The following PHF20L1 variants were observed in gnomAD, a reference collection of about 807,000 sequenced individuals.
PHF20L1 encodes PHD finger protein 20-like protein 1.
In PHF20L1, 44 loss-of-function variants were observed where a neutral mutation model predicts 125.5. The observed-to-expected ratio is 0.35, with a 90% CI of 0.28 to 0.45. The LOEUF is 0.45. Ranked by LOEUF, PHF20L1 falls within the 20% of genes least tolerant of loss-of-function variation. PHF20L1 has a pLI of 1.00. For missense variants in PHF20L1, 1,012 were observed against 1,217.2 expected, an observed-to-expected ratio of 0.83 and a Z score of 2.51; for synonymous variants, 380 against 403.1, an observed-to-expected ratio of 0.94 and a Z score of 0.69.
intron 13 of PHF20L1, chr8:132,825,051 T>G (rs768214322): frequency 6.8e-7 from 1 of 1,469,174 alleles, no homozygotes; most frequent in South Asian, 1.1e-5. Flanking sequence ...GGAGTTGGGA[T>G]TTCTCAGCAC....
chr8:132,828,259 T>G (rs1421674422), intron 14 of PHF20L1, among the ~76,000 whole-genome samples: 1 of 152,044 alleles, frequency 6.6e-6, no homozygotes, highest in Non-Finnish European at 1.5e-5. Flanking sequence ...ATAAATATTA[T>G]TACTTCATTT....
chr8:132,780,074 T>C (rs1162393750), intron 2 of PHF20L1, among the ~76,000 whole-genome samples: 1 of 152,190 alleles, frequency 6.6e-6, no homozygotes, highest in Non-Finnish European at 1.5e-5. Context: ...CTGTTTCAGG[T>C]GGCTCCTTAT....
intron 13 of PHF20L1, chr8:132,825,031 T>C: frequency 6.9e-7 from 1 of 1,440,008 alleles, no homozygotes; most frequent in Non-Finnish European, 9.4e-7. Context: ...GTGTTAACTT[T>C]AAGGTATCAG....
At position 132,831,379 on chromosome 8, in the gene PHF20L1, C is replaced by T. The variant is rs1057440681; in HGVS notation, c.1745-856C>T. 4.6e-5 allele frequency among the ~76,000 whole-genome samples: 7 copies of T among 152,076 alleles called. No homozygotes were observed. In the South Asian group the frequency reaches 6.2e-4, roughly 14 times the overall value. ...CACACCCCCACCTCCTTTTTTCCTT[C>T]CCTTACTATACCCTCAACTCTCCAG... On this transcript the variant is annotated intron_variant, in intron 14 of 20. Coordinates refer to ENST00000395386, the MANE Select transcript of PHF20L1 (RefSeq NM_016018.5).
intron 14 of PHF20L1, among the ~76,000 whole-genome samples, chr8:132,827,649 G>A (rs1241427620): frequency 2.6e-5 from 4 of 151,922 alleles, no homozygotes; most frequent in Non-Finnish European, 1.5e-5. Flanking sequence ...CTTGAGAGAA[G>A]GAGGAGCAAT....
chr8:132,814,972 A>G, intron 10 of PHF20L1, 83 bp downstream of exon 10: 1 of 1,136,306 alleles, frequency 8.8e-7, no homozygotes, highest in Non-Finnish European at 1.2e-6. Flanking sequence ...TTGTATTTTT[A>G]TGAAGTTGCT....
At chr8:132,804,773 GA>G in intron 8 of PHF20L1, 33 bp downstream of exon 8, 3 of 1,548,520 alleles carry the variant, frequency 1.9e-6, no homozygotes, top group East Asian at 2.3e-5. Flanking sequence ...TTGAGGGGGG[GA>G]AATGGAAGGT....
At chr8:132,824,106 CAG>C in intron 13 of PHF20L1, 46 bp downstream of exon 13, 1 of 1,206,198 alleles carries the variant, frequency 8.3e-7, no homozygotes, top group East Asian at 2.4e-5. Context: ...TAAAGCTTGA[CAG>C]AGAGGGAGGA....
chr8:132,799,399 C>T (rs1034047841), intron 6 of PHF20L1: 1 of 338,520 alleles, frequency 3.0e-6, no homozygotes, highest in African/African-American at 2.1e-5. Context: ...GTATTGTATG[C>T]TTTGTCACTG....
intron 8 of PHF20L1, chr8:132,809,540 C>G (rs1012263710): frequency 2.0e-5 from 3 of 152,100 alleles, no homozygotes; most frequent in Non-Finnish European, 4.4e-5. Flanking sequence ...CTGATAAAGT[C>G]AAGACATGTT....
chr8:132,837,676 G>A, intron 16 of PHF20L1, 36 bp from the exon 17 acceptor site: 1 of 1,508,520 alleles, frequency 6.6e-7, no homozygotes, highest in East Asian at 2.3e-5. Context: ...TCCTAGTGAG[G>A]ATCGGGTGAC....
chr8:132,829,977 C>T (rs1836585912), intron 14 of PHF20L1, among the ~76,000 whole-genome samples: 1 of 151,944 alleles, frequency 6.6e-6, no homozygotes, highest in Non-Finnish European at 1.5e-5. Context: ...GTAAGTTTCC[C>T]ATTGCTGCTG....
Position 132,803,918 on chromosome 8 carries a change from A to G in PHF20L1, c.607A>G (p.Lys203Glu), listed in dbSNP as rs1169253144. ...CGCTAACAGCAATAAAGATAAGGAT[A>G]AAGATGAGAGAAAGTGGTTTAAAGT... Reference protein sequence around the residue: ...TSANSNKDKDKDERKWFKVPS... With the variant: ...TSANSNKDKDEDERKWFKVPS... The change falls in exon 7 of 21, where the codon AAA becomes GAA. Residue 203 changes from lysine (K) to glutamate (E), a missense_variant. By Grantham distance (56) the Lys-to-Glu change is moderately conservative (BLOSUM62 1). This residue lies in a region of PHF20L1 where 134 missense variants were observed against 145.9 expected (regional missense o/e 0.92). Coordinates refer to ENST00000395386, the MANE Select transcript of PHF20L1 (RefSeq NM_016018.5). 1.9e-6 allele frequency: 3 copies of G among 1,611,366 alleles called. No homozygotes were observed. Among genetic ancestry groups the G allele is most frequent in the Non-Finnish European group, 2.5e-6 (3 of 1,177,990 alleles).
In PHF20L1 at chr8:132,848,561, T is replaced by C. The variant is rs931097860; in HGVS notation, c.*2638T>C. 5 of 152,588 alleles carry C rather than the reference T, an allele frequency of 3.3e-5. No homozygotes were observed. Among genetic ancestry groups the C allele is most frequent in the African/African-American group, 1.2e-4 (5 of 41,464 alleles). 9.5% of individuals were successfully genotyped at this position (152,588 alleles called of 1,614,324 possible). On this transcript the variant is annotated 3_prime_UTR_variant, in exon 21 of 21. Transcript: ENST00000395386. ...CAGAATGAGCATTGGTAGAGAAGGC[T>C]CCCTCTTGGTATGTTACTGATAAAC... is the stretch of plus-strand genomic sequence containing the variant.
At chr8:132,803,035 T>C (rs565737385) in intron 6 of PHF20L1, among the ~76,000 whole-genome samples, 2 of 151,966 alleles carry the variant, frequency 1.3e-5, no homozygotes, top group South Asian at 4.1e-4. Flanking sequence ...CACCTTTTTT[T>C]ATAATAAGCA....
intron 18 of PHF20L1, among the ~76,000 whole-genome samples, chr8:132,840,786 A>G (rs975822465): frequency 1.3e-5 from 2 of 152,118 alleles, no homozygotes; most frequent in South Asian, 4.1e-4. Context: ...GGCAAACTCC[A>G]CGCATACTTG....
intron 8 of PHF20L1, chr8:132,807,434 ATC>A (rs1210148710): frequency 1.2e-5 from 2 of 172,478 alleles, no homozygotes; most frequent in African/African-American, 4.8e-5. Context: ...TTGGTGCATG[ATC>A]TGTTTCTAAT....
intron 14 of PHF20L1, among the ~76,000 whole-genome samples, chr8:132,829,068 G>C (rs779275527): frequency 7.2e-5 from 11 of 152,048 alleles, no homozygotes; most frequent in Admixed American, 1.3e-4. Context: ...AAACATAACA[G>C]ACTTTTATTC....
At chr8:132,819,865 G>A (rs1405344941) in intron 12 of PHF20L1, among the ~76,000 whole-genome samples, 3 of 151,902 alleles carry the variant, frequency 2.0e-5, no homozygotes, top group Non-Finnish European at 4.4e-5. Flanking sequence ...CTCTTGGGGA[G>A]TTTAGAATGA....
Sources: allele counts gnomAD v4.1 joint callset (sites outside exome capture counted in the v4.1 genomes callset), GRCh38; gene constraint gnomAD v4.1.1; regional missense constraint gnomAD v4.1.1; transcripts MANE v1.5; gene names NCBI Gene and HGNC (gene_info 2026-07-23, HGNC 2026-07-21).